RPS6KA5: variants seen among roughly 807,000 people sequenced by gnomAD.
The protein encoded by RPS6KA5 is ribosomal protein S6 kinase alpha-5.
In RPS6KA5, 27 loss-of-function variants were observed where a neutral mutation model predicts 85.5. The ratio of observed to expected loss-of-function variants is 0.32; its 90% CI spans 0.23 to 0.44. The LOEUF (loss-of-function observed/expected upper bound fraction) is 0.44. Among genes scored for constraint, RPS6KA5 ranks in the 20% least tolerant of loss-of-function variants. RPS6KA5 has a pLI of 1.00. For synonymous variants in RPS6KA5, 334 were observed against 348.2 expected (o/e 0.96, Z 0.46); for missense variants, 811 against 980.9 (o/e 0.83, Z 2.31).
intron 5 of RPS6KA5, among the ~76,000 whole-genome samples, chr14:90,930,666 A>G (rs1870114048): frequency 1.3e-5 from 2 of 152,204 alleles, no homozygotes; most frequent in African/African-American, 4.8e-5. Context: ...TAGAATATAT[A>G]AAGAACTCCT....
intron 5 of RPS6KA5, among the ~76,000 whole-genome samples, chr14:90,939,391 G>A (rs1293860919): frequency 6.6e-6 from 1 of 152,174 alleles, no homozygotes; most frequent in African/African-American, 2.4e-5. Flanking sequence ...ACCTCTGCCT[G>A]TTACCCAGTT....
chr14:90,924,502 A>G (rs1430820680), intron 5 of RPS6KA5, among the ~76,000 whole-genome samples: 1 of 152,220 alleles, frequency 6.6e-6, no homozygotes, highest in Non-Finnish European at 1.5e-5. Context: ...TCAAGGTAAC[A>G]GTTCTACTAT....
chr14:91,060,087 G>A (rs1189304527), intron 1 of RPS6KA5: 15 of 985,276 alleles, frequency 1.5e-5, no homozygotes, highest in African/African-American at 1.0e-4. Context: ...CGGCTGCGCT[G>A]GCCCCGATGC....
intron 2 of RPS6KA5, among the ~76,000 whole-genome samples, chr14:90,984,096 T>G (rs943449356): frequency 6.6e-6 from 1 of 152,202 alleles, no homozygotes; most frequent in Non-Finnish European, 1.5e-5. Flanking sequence ...TCCACCCGCC[T>G]TGGCTTCCCA....
intron 14 of RPS6KA5, among the ~76,000 whole-genome samples, chr14:90,878,744 G>A (rs1246336417): frequency 6.6e-6 from 1 of 152,210 alleles, no homozygotes; most frequent in Non-Finnish European, 1.5e-5. Flanking sequence ...CCACTAAGAA[G>A]CGGGAATAGA....
chr14:91,001,609 C>G (rs575183404), intron 1 of RPS6KA5, among the ~76,000 whole-genome samples: 2 of 152,228 alleles, frequency 1.3e-5, no homozygotes, highest in Non-Finnish European at 2.9e-5. Context: ...CACTAAATAC[C>G]TGGACACGAT....
chr14:90,926,696 T>C (rs931742021), intron 5 of RPS6KA5, among the ~76,000 whole-genome samples: 3 of 151,198 alleles, frequency 2.0e-5, no homozygotes, highest in African/African-American at 7.3e-5. Flanking sequence ...TGTGTGTGTG[T>C]ACATATCTCA....
intron 1 of RPS6KA5, among the ~76,000 whole-genome samples, chr14:91,048,082 C>A (rs2042943297): frequency 6.6e-6 from 1 of 152,098 alleles, no homozygotes; most frequent in Non-Finnish European, 1.5e-5. Context: ...TTGCGGGTTC[C>A]AGGGATTAGG....
intron 5 of RPS6KA5, among the ~76,000 whole-genome samples, chr14:90,937,316 A>G (rs898985971): frequency 6.6e-6 from 1 of 152,140 alleles, no homozygotes; most frequent in African/African-American, 2.4e-5. Flanking sequence ...TGGAATTGAT[A>G]AGGGAGTAAG....
At chr14:90,929,187 A>G (rs1028028871) in intron 5 of RPS6KA5, among the ~76,000 whole-genome samples, 1 of 152,138 alleles carries the variant, frequency 6.6e-6, no homozygotes, top group Non-Finnish European at 1.5e-5. Flanking sequence ...ACTAAAATAC[A>G]TGTTCTTTAA....
rs145886154 is a variant in RPS6KA5 at position 91,011,967 on chromosome 14, C to T, written c.104-10808G>A. 4.6e-5 allele frequency among the ~76,000 whole-genome samples: 7 copies of T among 152,178 alleles called. 1 individual carries two copies. Among genetic ancestry groups the T allele is most frequent in the Admixed American group, 6.5e-5 (1 of 15,286 alleles). Reference sequence around the variant, plus strand: ...GTGAATGCAACAGAAAGGATAGAAACGTATCGTTTGTTGCAGCTAAACTTA... The same window carrying T: ...GTGAATGCAACAGAAAGGATAGAAATGTATCGTTTGTTGCAGCTAAACTTA... On this transcript the variant is annotated intron_variant, in intron 1 of 16. Transcript: ENST00000614987.
intron 3 of RPS6KA5, among the ~76,000 whole-genome samples, chr14:90,948,674 G>A (rs574019636): frequency 1.3e-5 from 2 of 149,896 alleles, no homozygotes; most frequent in Non-Finnish European, 3.0e-5. Flanking sequence ...CAGCCTGGGC[G>A]AAAGAGTGAG....
intron 3 of RPS6KA5, among the ~76,000 whole-genome samples, chr14:90,952,180 C>A (rs1349022039): frequency 3.9e-5 from 6 of 152,202 alleles, no homozygotes; most frequent in Non-Finnish European, 5.9e-5. Context: ...CTGACTCTTC[C>A]TATATAGAGT....
At position 91,060,625 on chromosome 14, in the gene RPS6KA5, G is replaced by A; in HGVS notation, c.-191C>T. On this transcript the variant is annotated 5_prime_UTR_variant, in exon 1 of 17. Coordinates refer to ENST00000614987, the MANE Select transcript of RPS6KA5 (RefSeq NM_004755.4). Reference sequence around the variant, plus strand: ...CTCCTCGCCTCCTCCCCCTTCGGCGGGCACCGCTAGTACCGCGCAACCAAA... The same window carrying A: ...CTCCTCGCCTCCTCCCCCTTCGGCGAGCACCGCTAGTACCGCGCAACCAAA... 1 of 743,060 alleles carries A rather than the reference G, an allele frequency of 1.3e-6. No individual in the cohort carries two copies. The highest frequency in any genetic ancestry group is 1.8e-6 in the Non-Finnish European group (1 of 542,406). 46.0% of individuals were successfully genotyped at this position (743,060 alleles called of 1,614,324 possible). A position where few individuals can be genotyped will look rare whatever the true frequency, so the allele number is the denominator to read the frequency against.
chr14:91,026,663 C>A (rs1055430786), intron 1 of RPS6KA5, among the ~76,000 whole-genome samples: 5 of 152,226 alleles, frequency 3.3e-5, no homozygotes, highest in African/African-American at 1.2e-4. Context: ...GGCACATACT[C>A]AGTAATGGGA....
At position 90,855,815 on chromosome 14, in the gene RPS6KA5, G is replaced by C. The variant is rs2032257074; in HGVS notation, c.*16259C>G. On this transcript the variant is annotated 3_prime_UTR_variant, in exon 17 of 17. Transcript: ENST00000614987. ...GTAAAGACGGGGTTTCACCGTGTTA[G>C]CCAGGATGGTCTCGATCTCCTGACC... 1 of 152,004 alleles carries C rather than the reference G, an allele frequency of 6.6e-6. No homozygotes were observed. The highest frequency in any genetic ancestry group is 1.5e-5 in the Non-Finnish European group (1 of 68,092). The allele number at this position is 152,004 out of a possible 1,614,324, so 9.4% of individuals were successfully genotyped here. A position where few individuals can be genotyped will look rare whatever the true frequency, so the allele number is the denominator to read the frequency against.
rs1229821829 is a variant in RPS6KA5 at position 90,871,461 on chromosome 14, A to C, written c.*613T>G. 1 of 152,090 alleles carries C rather than the reference A, an allele frequency of 6.6e-6. No individual in the cohort carries two copies. The highest frequency in any genetic ancestry group is 1.5e-5 in the Non-Finnish European group (1 of 67,978). 9.4% of individuals were successfully genotyped at this position (152,090 alleles called of 1,614,324 possible). A position where few individuals can be genotyped will look rare whatever the true frequency, so the allele number is the denominator to read the frequency against. On this transcript the variant is annotated 3_prime_UTR_variant, in exon 17 of 17. Transcript: ENST00000614987. ...TGCATCTCAGATGGATCCCGAATACAGAGTATGGGACCTTGAGTTCTTATA... is the reference window on the plus strand; with the variant it reads ...TGCATCTCAGATGGATCCCGAATACCGAGTATGGGACCTTGAGTTCTTATA...
intron 7 of RPS6KA5, among the ~76,000 whole-genome samples, chr14:90,906,948 A>G (rs538969509): frequency 6.6e-6 from 1 of 152,256 alleles, no homozygotes; most frequent in East Asian, 1.9e-4. Context: ...TGAGGCAGGT[A>G]GAGCTCAGAG....
chr14:91,050,408 AG>A, intron 1 of RPS6KA5, among the ~76,000 whole-genome samples: 1 of 151,888 alleles, frequency 6.6e-6, no homozygotes, highest in South Asian at 2.1e-4. Context: ...ACAAAAACAA[AG>A]CATCTTATTG....
Sources: allele counts gnomAD v4.1 joint callset (sites outside exome capture counted in the v4.1 genomes callset), GRCh38; gene constraint gnomAD v4.1.1; transcripts MANE v1.5; gene names NCBI Gene and HGNC (gene_info 2026-07-23, HGNC 2026-07-21).